CHD9: variants seen among roughly 807,000 people sequenced by gnomAD.
CHD9 encodes the protein ATP-dependent chromatin remodeler CHD9.
In CHD9, 77 loss-of-function variants were observed where a neutral mutation model predicts 316.1. The observed-to-expected ratio is 0.24, with a 90% CI of 0.20 to 0.29. CHD9 has a LOEUF of 0.29. CHD9 is among the 10% of genes least tolerant of loss of function. The pLI is 1.00. For missense variants in CHD9, 2,763 were observed against 3,438.1 expected, an observed-to-expected ratio of 0.80 and a Z score of 4.91; for synonymous variants, 1,129 against 1,158.3, an observed-to-expected ratio of 0.97 and a Z score of 0.51.
At chr16:53,070,520 CCTTCCTTCCTTCCTCTCT>C (rs1567306391) in intron 1 of CHD9, among the ~76,000 whole-genome samples, 1 of 24,476 alleles carries the variant, frequency 4.1e-5, no homozygotes, top group Non-Finnish European at 1.1e-4. Context: ...TTCCTTCCTT[CCTTCCTTCCTTCCTCTCT>C]CTCTCTCTCT....
chr16:53,090,147 G>A lies in CHD9; in HGVS notation c.-165+35070G>A, dbSNP rs539344063. On this transcript the variant is annotated intron_variant, in intron 1 of 38. Transcript: ENST00000447540. ...ATCTCCAAAGAGTCTTCCAAAAACC[G>A]GAGTCCCTCCTCTGCCTCCAGGTTC... 5.9e-5 allele frequency among the ~76,000 whole-genome samples: 9 copies of A among 152,220 alleles called. No individual in the cohort carries two copies. In the East Asian group the frequency reaches 1.4e-3, roughly 23 times the overall value.
At chr16:53,174,994 C>T (rs2152792837) in intron 2 of CHD9, among the ~76,000 whole-genome samples, 1 of 152,218 alleles carries the variant, frequency 6.6e-6, no homozygotes, top group Admixed American at 6.5e-5. Flanking sequence ...CACTTTTAAG[C>T]TTTTTTAGCC....
chr16:53,162,800 G>C (rs938884109), intron 2 of CHD9, among the ~76,000 whole-genome samples: 6 of 86,360 alleles, frequency 6.9e-5, no homozygotes, highest in Non-Finnish European at 1.5e-4. Context: ...TTTTTTTTTT[G>C]GTGGGGGACA....
intron 1 of CHD9, among the ~76,000 whole-genome samples, chr16:53,064,093 C>G (rs1456743495): frequency 6.6e-6 from 1 of 152,064 alleles, no homozygotes; most frequent in Non-Finnish European, 1.5e-5. Flanking sequence ...CTCAGCCTCC[C>G]AAAGTTCTGG....
Position 53,325,656 on chromosome 16 carries a change from G to A in CHD9, c.*761G>A, listed in dbSNP as rs2057515907. On this transcript the variant is annotated 3_prime_UTR_variant, in exon 39 of 39. Transcript: ENST00000447540. ...AAGTCATAAAATAATCATGTGTCAT[G>A]TGACTTTGGCACCCTATAGACATAC... is the stretch of plus-strand genomic sequence containing the variant. The A allele has an allele frequency of 1.3e-5, 2 of 152,396 alleles. No homozygotes were observed. The highest frequency in any genetic ancestry group is 4.8e-5 in the African/African-American group (2 of 41,432). The allele number at this position is 152,396 out of a possible 1,614,324, so 9.4% of individuals were successfully genotyped here.
At chr16:53,287,237 C>G (rs11864306) in intron 26 of CHD9, among the ~76,000 whole-genome samples, 2 of 151,966 alleles carry the variant, frequency 1.3e-5, no homozygotes, top group Admixed American at 1.3e-4. Flanking sequence ...TCCCAAAGTG[C>G]GGAGATTATA....
chr16:53,156,178 C>G lies in CHD9; in HGVS notation c.89C>G (p.Pro30Arg). The change falls in exon 2 of 39, where the codon CCA becomes CGA. Residue 30 changes from proline (P) to arginine (R), a missense_variant. Physicochemically the swap from Pro to Arg is moderately radical, Grantham distance 103 (BLOSUM62 -2). This residue lies in a region of CHD9 where 859 missense variants were observed against 890.4 expected (regional missense o/e 0.96). Transcript: ENST00000447540. Reference sequence around the variant, plus strand: ...TTGTCAGATGATGCATTTGTACAACCAGGACCTGTTTCACTAGTTGATGAA... The same window carrying G: ...TTGTCAGATGATGCATTTGTACAACGAGGACCTGTTTCACTAGTTGATGAA... ...EGLSDDAFVQ[P>R]GPVSLVDELN... The G allele has an allele frequency of 6.2e-7, 1 of 1,613,916 alleles. No homozygotes were observed. Among genetic ancestry groups the G allele is most frequent in the Non-Finnish European group, 8.5e-7 (1 of 1,179,868 alleles).
intron 11 of CHD9, among the ~76,000 whole-genome samples, chr16:53,236,107 C>T (rs1325214004): frequency 6.6e-6 from 1 of 152,074 alleles, no homozygotes; most frequent in African/African-American, 2.4e-5. Context: ...TTTATATTTT[C>T]CAAATATTAA....
chr16:53,294,924 A>C (rs1172527314), intron 29 of CHD9, among the ~76,000 whole-genome samples: 2 of 152,214 alleles, frequency 1.3e-5, no homozygotes, highest in African/African-American at 4.8e-5. Context: ...TCTTAAGCCT[A>C]AGTTTGAAGG....
At chr16:53,126,411 A>G (rs1343301998) in intron 1 of CHD9, among the ~76,000 whole-genome samples, 1 of 152,224 alleles carries the variant, frequency 6.6e-6, no homozygotes, top group African/African-American at 2.4e-5. Context: ...CCATTAATCC[A>G]TATGCCTATC....
At chr16:53,108,151 T>A (rs2037519169) in intron 1 of CHD9, among the ~76,000 whole-genome samples, 1 of 152,206 alleles carries the variant, frequency 6.6e-6, no homozygotes, top group African/African-American at 2.4e-5. Flanking sequence ...TATTGTGATC[T>A]CTAAAATTTT....
intron 2 of CHD9, among the ~76,000 whole-genome samples, chr16:53,171,516 G>A (rs1001192750): frequency 2.5e-4 from 38 of 152,156 alleles, no homozygotes; most frequent in Admixed American, 8.5e-4. Context: ...AACTAGAAAA[G>A]TAATACATGT....
intron 1 of CHD9, among the ~76,000 whole-genome samples, chr16:53,105,063 G>A (rs1025252369): frequency 6.6e-5 from 10 of 151,920 alleles, no homozygotes; most frequent in African/African-American, 2.2e-4. Flanking sequence ...GCCTGGTCTT[G>A]AACTATTGTC....
In CHD9 at chr16:53,156,120, G is replaced by C. The variant is rs1418884029; in HGVS notation, c.31G>C (p.Asp11His). The change falls in exon 2 of 39, where the codon GAT becomes CAT. Residue 11 changes from aspartate (D) to histidine (H), a missense_variant. By Grantham distance (81) the Asp-to-His change is moderately conservative. This residue lies in a region of CHD9 where 859 missense variants were observed against 890.4 expected (regional missense o/e 0.96). Transcript: ENST00000447540. Reference sequence around the variant, plus strand: ...AGATCCAATGATGGACTTTTTTGATGATGCCAATCTTTTTGGTGAGACCTT... The same window carrying C: ...AGATCCAATGATGGACTTTTTTGATCATGCCAATCTTTTTGGTGAGACCTT... The part of the protein sequence containing the change: MTDPMMDFFD[D>H]ANLFGETLEG... 1 of 1,612,102 alleles carries C rather than the reference G, an allele frequency of 6.2e-7. No individual in the cohort carries two copies. Among genetic ancestry groups the C allele is most frequent in the Non-Finnish European group, 8.5e-7 (1 of 1,179,262 alleles).
chr16:53,284,587 C>T (rs1342891226), intron 24 of CHD9, among the ~76,000 whole-genome samples: 6 of 151,936 alleles, frequency 3.9e-5, no homozygotes, highest in Non-Finnish European at 5.9e-5. Flanking sequence ...TTTCAAGTGA[C>T]GAGCAAAGAA....
intron 1 of CHD9, among the ~76,000 whole-genome samples, chr16:53,098,625 T>C (rs2036578555): frequency 6.6e-6 from 1 of 152,070 alleles, no homozygotes; most frequent in South Asian, 2.1e-4. Flanking sequence ...ACATCAGCAA[T>C]GAGCAGGCCA....
chr16:53,292,049 G>A (rs1216185934), intron 28 of CHD9, among the ~76,000 whole-genome samples: 4 of 152,170 alleles, frequency 2.6e-5, no homozygotes, highest in Non-Finnish European at 5.9e-5. Flanking sequence ...TCATTAAAGT[G>A]TTGATCCAAT....
intron 2 of CHD9, among the ~76,000 whole-genome samples, chr16:53,187,774 G>A (rs1163742771): frequency 6.6e-6 from 1 of 152,088 alleles, no homozygotes; most frequent in African/African-American, 2.4e-5. Flanking sequence ...CTTGGGAAAA[G>A]GACTTTTTGT....
intron 1 of CHD9, among the ~76,000 whole-genome samples, chr16:53,077,569 C>T (rs1284646253): frequency 6.6e-6 from 1 of 152,012 alleles, no homozygotes; most frequent in African/African-American, 2.4e-5. Context: ...CTTCGTGATC[C>T]GCCTGCCTCA....
Sources: gnomAD v4.1 joint callset for allele counts (sites outside exome capture counted in the v4.1 genomes callset) on GRCh38, gnomAD v4.1.1 for gene constraint, gnomAD v4.1.1 regional missense constraint, MANE v1.5 for transcripts, NCBI Gene and HGNC (gene_info 2026-07-23, HGNC 2026-07-21) for gene names.